NBAS: variants seen among roughly 807,000 people sequenced by gnomAD.
NBAS encodes the protein NAG/BC035112 fusion.
A neutral mutation model predicts 302.5 loss-of-function variants in NBAS; 219 were observed. The observed-to-expected ratio is 0.72, with a 90% confidence interval of 0.65 to 0.81. The LOEUF (loss-of-function observed/expected upper bound fraction) is 0.81. Among genes scored for constraint, NBAS ranks in the 30% least tolerant of loss-of-function variants. The probability of loss-of-function intolerance (pLI) is 0.00; values close to 1 mark genes in which losing one functional copy is unlikely to be tolerated. For missense variants in NBAS, 2,932 were observed against 2,841.6 expected (o/e 1.03, Z -0.72); for synonymous variants, 1,118 against 1,021.6 (o/e 1.09, Z -1.80).
chr2:15,401,938 T>C (rs890302198), intron 26 of NBAS, among the ~76,000 whole-genome samples: 4 of 152,212 alleles, frequency 2.6e-5, no homozygotes, highest in African/African-American at 9.6e-5. Context: ...TTTGACAAAA[T>C]TCAGAATTTA....
chr2:15,538,346 C>T, intron 7 of NBAS: 1 of 487,376 alleles, frequency 2.1e-6, no homozygotes, highest in East Asian at 5.5e-5. Flanking sequence ...GAGCACAACA[C>T]ACGTTTTTAG....
At chr2:15,110,427 C>G in the NBAS span, among the ~76,000 whole-genome samples, 1 of 152,096 alleles carries the variant, frequency 6.6e-6, no homozygotes, top group African/African-American at 2.4e-5. Flanking sequence ...TTCTAATACA[C>G]TGATTGGGAG....
At chr2:14,792,619 TC>T in the NBAS span, among the ~76,000 whole-genome samples, 1 of 151,460 alleles carries the variant, frequency 6.6e-6, no homozygotes. Flanking sequence ...GGGGACAAAA[TC>T]CCACATGTTA....
intron 3 of NBAS, among the ~76,000 whole-genome samples, chr2:15,554,749 G>A (rs1291402545): frequency 1.3e-5 from 2 of 151,394 alleles, no homozygotes; most frequent in African/African-American, 2.4e-5. Context: ...TAGGCCCAGG[G>A]AGACTAAAGA....
At chr2:15,173,276 C>T (rs113039676) in intron 51 of NBAS, among the ~76,000 whole-genome samples, 1,884 of 152,246 alleles carry the variant, frequency 0.012, 46 homozygotes, top group Admixed American at 0.06. Flanking sequence ...CCTCTTCCAA[C>T]AATAGGTAAT....
intron 26 of NBAS, among the ~76,000 whole-genome samples, chr2:15,398,822 T>G (rs909336873): frequency 1.3e-5 from 2 of 152,146 alleles, no homozygotes; most frequent in Non-Finnish European, 2.9e-5. Flanking sequence ...ACTTAGAAAA[T>G]TAGAAACATG....
At chr2:15,021,494 T>C in the NBAS span, among the ~76,000 whole-genome samples, 1 of 152,080 alleles carries the variant, frequency 6.6e-6, no homozygotes, top group South Asian at 2.1e-4. Flanking sequence ...AGAGAGGAAA[T>C]GACAAGTGAC....
intron 10 of NBAS, among the ~76,000 whole-genome samples, chr2:15,509,424 T>G (rs1251770513): frequency 6.6e-6 from 1 of 152,204 alleles, no homozygotes; most frequent in African/African-American, 2.4e-5. Flanking sequence ...ATATCCACAG[T>G]ACTGCATAAG....
chr2:15,507,075 T>C (rs1572944065), intron 10 of NBAS, among the ~76,000 whole-genome samples: 2 of 151,822 alleles, frequency 1.3e-5, no homozygotes, highest in South Asian at 4.2e-4. Flanking sequence ...GTCTGAAGAG[T>C]TTTTGTGAAG....
the NBAS span, among the ~76,000 whole-genome samples, chr2:15,098,375 T>C: frequency 0.13 from 1,120 of 8,540 alleles, 45 homozygotes; most frequent in South Asian, 0.38. Context: ...TATAATATAT[T>C]ATATATGATA....
intron 35 of NBAS, among the ~76,000 whole-genome samples, chr2:15,334,790 C>T (rs546749187): frequency 7.2e-5 from 11 of 152,196 alleles, no homozygotes; most frequent in Admixed American, 2.0e-4. Context: ...ATGTGTAAGC[C>T]ACATCAAATG....
the NBAS span, among the ~76,000 whole-genome samples, chr2:14,827,566 T>A: frequency 6.6e-6 from 1 of 152,130 alleles, no homozygotes. Context: ...CATCAGTGGA[T>A]GAATGGATAA....
chr2:14,837,374 G>A, the NBAS span, among the ~76,000 whole-genome samples: 2 of 151,848 alleles, frequency 1.3e-5, no homozygotes, highest in Non-Finnish European at 2.9e-5. Flanking sequence ...TGAGGAAGCT[G>A]GCCTTCAATA....
intron 19 of NBAS, among the ~76,000 whole-genome samples, chr2:15,464,909 G>C (rs1679656899): frequency 6.6e-6 from 1 of 152,096 alleles, no homozygotes. Context: ...CATGCCACTG[G>C]GCCTTTACAT....
intron 44 of NBAS, among the ~76,000 whole-genome samples, chr2:15,258,107 A>G (rs1454582982): frequency 6.6e-6 from 1 of 152,228 alleles, no homozygotes; most frequent in Admixed American, 6.5e-5. Flanking sequence ...GCCGTGGCAG[A>G]GGAACATAAA....
intron 46 of NBAS, 58 bp from the exon 47 acceptor site, chr2:15,232,569 C>G: frequency 6.6e-7 from 1 of 1,524,582 alleles, no homozygotes; most frequent in African/African-American, 1.4e-5. Flanking sequence ...CAGAAATAAA[C>G]TTGGTATTCA....
the NBAS span, among the ~76,000 whole-genome samples, chr2:15,109,727 C>G: frequency 3.9e-5 from 6 of 152,150 alleles, no homozygotes; most frequent in South Asian, 6.2e-4. Context: ...TATAAGGGCA[C>G]TAATCCCATT....
the NBAS span, among the ~76,000 whole-genome samples, chr2:15,153,307 T>C: frequency 3.1e-3 from 468 of 152,262 alleles, 1 homozygote; most frequent in African/African-American, 0.011. Flanking sequence ...TGGGGGAGAA[T>C]GAACTGCACA....
At chr2:15,213,678 C>CAT (rs1314922030) in intron 48 of NBAS, among the ~76,000 whole-genome samples, 64 of 152,266 alleles carry the variant, frequency 4.2e-4, no homozygotes, top group African/African-American at 1.4e-3. Flanking sequence ...AGGATGGTAA[C>CAT]CACTTTGCAA....
Sources: allele counts gnomAD v4.1 joint callset (sites outside exome capture counted in the v4.1 genomes callset), GRCh38; gene constraint gnomAD v4.1.1; transcripts MANE v1.5; gene names NCBI Gene and HGNC (gene_info 2026-07-23, HGNC 2026-07-21).